The following CHCHD6 variants were observed in gnomAD, a reference collection of about 807,000 sequenced individuals.
CHCHD6 encodes MICOS complex subunit MIC25.
CHCHD6 carries 28 observed loss-of-function variants against 32.3 expected under a neutral mutation model. That is an observed-to-expected ratio of 0.87 (90% CI 0.64 to 1.19). The LOEUF is 1.19. Among genes scored for constraint, CHCHD6 ranks in the 50% most tolerant of loss-of-function variants. The probability of loss-of-function intolerance (pLI) is 0.00; values close to 1 mark genes in which losing one functional copy is unlikely to be tolerated. For missense variants in CHCHD6, 333 were observed against 307.0 expected (o/e 1.08, Z -0.63); for synonymous variants, 122 against 117.5 (o/e 1.04, Z -0.25).
intron 1 of CHCHD6, among the ~76,000 whole-genome samples, chr3:126,714,876 C>T (rs1287746280): frequency 1.3e-5 from 2 of 152,066 alleles, no homozygotes; most frequent in Non-Finnish European, 2.9e-5. Context: ...ACGATGACAC[C>T]GCTCCTGCCT....
intron 5 of CHCHD6, among the ~76,000 whole-genome samples, chr3:126,887,846 A>G (rs1405181035): frequency 6.6e-6 from 1 of 152,210 alleles, no homozygotes; most frequent in African/African-American, 2.4e-5. Context: ...AGAATCACGG[A>G]CACAGAACAT....
intron 6 of CHCHD6, among the ~76,000 whole-genome samples, chr3:126,939,033 G>C (rs77261910): frequency 0.029 from 4,420 of 152,266 alleles, 95 homozygotes; most frequent in Non-Finnish European, 0.039. Flanking sequence ...AAGCACTTTG[G>C]GTAGGTTATC....
intron 6 of CHCHD6, among the ~76,000 whole-genome samples, chr3:126,922,461 T>G (rs2078264663): frequency 6.6e-6 from 1 of 152,224 alleles, no homozygotes; most frequent in African/African-American, 2.4e-5. Context: ...AGGTGGGATT[T>G]GAACCCAGGT....
At chr3:126,805,783 G>A (rs1034329173) in intron 4 of CHCHD6, among the ~76,000 whole-genome samples, 45 of 152,222 alleles carry the variant, frequency 3.0e-4, no homozygotes, top group African/African-American at 8.7e-4. Context: ...GAGGCATCAC[G>A]CTACCTGACT....
intron 5 of CHCHD6, among the ~76,000 whole-genome samples, chr3:126,897,129 G>GGA (rs1243711452): frequency 6.6e-6 from 1 of 152,124 alleles, no homozygotes; most frequent in Non-Finnish European, 1.5e-5. Context: ...TGCTGTTCGG[G>GGA]GAGAGAGAGA....
Position 126,960,347 on chromosome 3 carries a change from C to CA in CHCHD6, c.*149dup, listed in dbSNP as rs1553763296. On this transcript the variant is annotated 3_prime_UTR_variant, in exon 8 of 8. Transcript: ENST00000290913. ...CTGGGGCTGCCACGTGTTTAGGAAA[C>CA]AAAGTATGCGCTACTGTCTGAAAAC... 3 of 873,242 alleles carry CA rather than the reference C, an allele frequency of 3.4e-6. No homozygotes were observed. In the South Asian group the frequency reaches 4.4e-5, roughly 13 times the overall value. 54.1% of individuals were successfully genotyped at this position (873,242 alleles called of 1,614,324 possible).
chr3:126,922,788 C>T (rs1388124086), intron 6 of CHCHD6, among the ~76,000 whole-genome samples: 3 of 152,118 alleles, frequency 2.0e-5, no homozygotes, highest in Non-Finnish European at 4.4e-5. Context: ...TACTCCCATG[C>T]CAGTGCTTAC....
At chr3:126,776,268 T>C (rs948977036) in intron 4 of CHCHD6, among the ~76,000 whole-genome samples, 2 of 152,232 alleles carry the variant, frequency 1.3e-5, no homozygotes, top group African/African-American at 4.8e-5. Context: ...TCCTGGGTAC[T>C]CTATGTCACT....
chr3:126,753,559 G>T (rs144480782), intron 4 of CHCHD6, among the ~76,000 whole-genome samples: 1 of 152,204 alleles, frequency 6.6e-6, no homozygotes, highest in East Asian at 1.9e-4. Flanking sequence ...CAGAGAGTTT[G>T]TCTCAACCTT....
chr3:126,862,450 A>T (rs1416303923), intron 5 of CHCHD6, among the ~76,000 whole-genome samples: 6 of 78,648 alleles, frequency 7.6e-5, no homozygotes, highest in Admixed American at 1.4e-4. Flanking sequence ...CACCATCACC[A>T]CCTCCTCCTC....
chr3:126,816,860 C>A (rs1418066078), intron 4 of CHCHD6, among the ~76,000 whole-genome samples: 1 of 152,084 alleles, frequency 6.6e-6, no homozygotes, highest in Non-Finnish European at 1.5e-5. Flanking sequence ...TATCCCTCCC[C>A]CCTCTTCCCA....
chr3:126,921,295 G>A (rs1039804354), intron 6 of CHCHD6, among the ~76,000 whole-genome samples: 1 of 152,164 alleles, frequency 6.6e-6, no homozygotes, highest in Admixed American at 6.5e-5. Context: ...AGTGTTGATG[G>A]CAAGGCTGAC....
intron 4 of CHCHD6, among the ~76,000 whole-genome samples, chr3:126,760,883 G>A (rs955313596): frequency 2.0e-5 from 3 of 152,122 alleles, no homozygotes; most frequent in Non-Finnish European, 2.9e-5. Flanking sequence ...ACCCAGGCTG[G>A]GGTGCAGTGG....
intron 4 of CHCHD6, among the ~76,000 whole-genome samples, chr3:126,736,129 CTA>C (rs1021409393): frequency 2.6e-5 from 4 of 152,172 alleles, no homozygotes; most frequent in Non-Finnish European, 5.9e-5. Flanking sequence ...ATTTTCAAAA[CTA>C]TATTCTGGAA....
At chr3:126,860,072 C>T (rs577037904) in intron 5 of CHCHD6, among the ~76,000 whole-genome samples, 3 of 152,140 alleles carry the variant, frequency 2.0e-5, no homozygotes, top group Admixed American at 2.0e-4. Context: ...TCCAATGTGG[C>T]CAGCAGTACT....
intron 1 of CHCHD6, among the ~76,000 whole-genome samples, chr3:126,719,211 C>A (rs1291927472): frequency 6.6e-6 from 1 of 152,246 alleles, no homozygotes; most frequent in Non-Finnish European, 1.5e-5. Flanking sequence ...GCCTGCCGGC[C>A]TTCTGTGGGG....
intron 4 of CHCHD6, among the ~76,000 whole-genome samples, chr3:126,749,208 C>G (rs972001921): frequency 6.6e-6 from 1 of 152,042 alleles, no homozygotes; most frequent in Non-Finnish European, 1.5e-5. Flanking sequence ...CAGCAGGGAG[C>G]ATGTGAAAGG....
chr3:126,711,846 T>C (rs1182268171), intron 1 of CHCHD6, among the ~76,000 whole-genome samples: 2 of 152,248 alleles, frequency 1.3e-5, no homozygotes, highest in African/African-American at 4.8e-5. Flanking sequence ...TGCTTTTCAA[T>C]GAACAGTATC....
chr3:126,830,876 C>T (rs1393674772), intron 4 of CHCHD6, among the ~76,000 whole-genome samples: 1 of 152,180 alleles, frequency 6.6e-6, no homozygotes, highest in Non-Finnish European at 1.5e-5. Context: ...CCTTTTCTGG[C>T]CTCATTCCCT....
Sources: allele counts gnomAD v4.1 joint callset (sites outside exome capture counted in the v4.1 genomes callset), GRCh38; gene constraint gnomAD v4.1.1; transcripts MANE v1.5; gene names NCBI Gene and HGNC (gene_info 2026-07-23, HGNC 2026-07-21).